PPARGC1A: variants seen among roughly 807,000 people sequenced by gnomAD.
PPARGC1A encodes the protein peroxisome proliferator-activated receptor gamma coactivator 1-alpha.
In PPARGC1A, 25 loss-of-function variants were observed where a neutral mutation model predicts 88.7. That is an observed-to-expected ratio of 0.28 (90% CI 0.21 to 0.39). PPARGC1A has a LOEUF of 0.39. PPARGC1A is among the 10% of genes least tolerant of loss of function. PPARGC1A has a pLI of 1.00. For missense variants in PPARGC1A, 880 were observed against 968.7 expected, an observed-to-expected ratio of 0.91 and a Z score of 1.22; for synonymous variants, 363 against 355.6, an observed-to-expected ratio of 1.02 and a Z score of -0.24.
chr4:24,246,402 G>C, the PPARGC1A span, among the ~76,000 whole-genome samples: 1 of 152,124 alleles, frequency 6.6e-6, no homozygotes, highest in South Asian at 2.1e-4. Flanking sequence ...GTCAGGCGGA[G>C]CACTGGAGCC....
the PPARGC1A span, among the ~76,000 whole-genome samples, chr4:24,207,719 A>G: frequency 6.6e-6 from 1 of 152,220 alleles, no homozygotes; most frequent in Admixed American, 6.5e-5. Flanking sequence ...AAATTTCCTC[A>G]GCCTCAAAAC....
At chr4:24,366,090 G>C in the PPARGC1A span, among the ~76,000 whole-genome samples, 8 of 152,154 alleles carry the variant, frequency 5.3e-5, no homozygotes, top group Non-Finnish European at 1.0e-4. Flanking sequence ...CAGCCTGAAA[G>C]AGTCATCAGT....
chr4:24,010,920 G>C, the PPARGC1A span, among the ~76,000 whole-genome samples: 2 of 152,134 alleles, frequency 1.3e-5, no homozygotes, highest in South Asian at 2.1e-4. Context: ...GAGTCCCCGT[G>C]AGTGATAATT....
chr4:24,470,721 C>T, the PPARGC1A span, among the ~76,000 whole-genome samples: 1 of 151,852 alleles, frequency 6.6e-6, no homozygotes, highest in East Asian at 2.0e-4. This position sits in a 1 kb window ranked among gnomAD's most constrained non-coding sequence, Gnocchi z 5.8. Context: ...CCCCCACCCG[C>T]GGCGGCGGCC....
chr4:24,225,338 G>A, the PPARGC1A span, among the ~76,000 whole-genome samples: 1 of 152,142 alleles, frequency 6.6e-6, no homozygotes, highest in South Asian at 2.1e-4. Context: ...GAGAAGCCAA[G>A]GGGGGCAGAT....
chr4:24,346,794 T>C, the PPARGC1A span, among the ~76,000 whole-genome samples: 4 of 152,156 alleles, frequency 2.6e-5, no homozygotes, highest in Non-Finnish European at 5.9e-5. Flanking sequence ...ATGTTGGTTA[T>C]TTCCTTTCTT....
the PPARGC1A span, among the ~76,000 whole-genome samples, chr4:24,139,591 G>A: frequency 6.6e-6 from 1 of 152,152 alleles, no homozygotes; most frequent in East Asian, 1.9e-4. Flanking sequence ...CATGTAGTGA[G>A]AAATCCGCAG....
chr4:24,230,555 C>G, the PPARGC1A span, among the ~76,000 whole-genome samples: 1 of 152,166 alleles, frequency 6.6e-6, no homozygotes. Context: ...CTGGGAACCA[C>G]CCCATATAGC....
chr4:24,387,869 G>GAGAAAGA, the PPARGC1A span, among the ~76,000 whole-genome samples: 1 of 115,690 alleles, frequency 8.6e-6, no homozygotes, highest in Non-Finnish European at 1.7e-5. Flanking sequence ...AGAGAGAAAG[G>GAGAAAGA]AAGAAAGAGA....
the PPARGC1A span, among the ~76,000 whole-genome samples, chr4:24,249,101 A>C: frequency 1.3e-5 from 2 of 152,182 alleles, no homozygotes; most frequent in Non-Finnish European, 2.9e-5. Flanking sequence ...CCATCTAGAC[A>C]TGAGAAATCC....
intron 2 of PPARGC1A, among the ~76,000 whole-genome samples, chr4:23,849,779 C>T (rs939783747): frequency 4.0e-5 from 6 of 151,508 alleles, no homozygotes; most frequent in South Asian, 2.1e-4. Context: ...CTCATTTATT[C>T]CTTCTTGTAT....
chr4:24,369,221 T>A, the PPARGC1A span, among the ~76,000 whole-genome samples: 12 of 152,318 alleles, frequency 7.9e-5, no homozygotes, highest in East Asian at 2.1e-3. Context: ...AGTGTTTTAA[T>A]TGAACACGTA....
the PPARGC1A span, among the ~76,000 whole-genome samples, chr4:23,991,880 A>G: frequency 1.3e-5 from 2 of 152,146 alleles, no homozygotes; most frequent in Non-Finnish European, 2.9e-5. Context: ...GAAAAGAAAA[A>G]AATAGCAAGA....
chr4:24,036,430 C>T, the PPARGC1A span, among the ~76,000 whole-genome samples: 3 of 152,154 alleles, frequency 2.0e-5, no homozygotes, highest in East Asian at 5.8e-4. Flanking sequence ...TCCACCGAAG[C>T]TCATGTATGA....
chr4:23,889,867 A>C, intron 1 of PPARGC1A, 37 bp downstream of exon 1: 1 of 1,606,648 alleles, frequency 6.2e-7, no homozygotes, highest in Non-Finnish European at 8.5e-7. Flanking sequence ...GGGAAGCGTC[A>C]GTTGTGGCTG....
At chr4:23,987,236 T>C in the PPARGC1A span, among the ~76,000 whole-genome samples, 1 of 152,042 alleles carries the variant, frequency 6.6e-6, no homozygotes, top group Admixed American at 6.6e-5. Context: ...CTGGAAGCCC[T>C]GCATTTCAGA....
chr4:24,351,827 T>G, the PPARGC1A span, among the ~76,000 whole-genome samples: 12 of 152,086 alleles, frequency 7.9e-5, no homozygotes, highest in African/African-American at 2.4e-4. Context: ...GTTTTTTTGT[T>G]TTTTTTTAAT....
At chr4:24,456,825 C>A in the PPARGC1A span, among the ~76,000 whole-genome samples, 1 of 151,968 alleles carries the variant, frequency 6.6e-6, no homozygotes, top group East Asian at 1.9e-4. Context: ...GTTCTGGAAG[C>A]AGAGACATTA....
the PPARGC1A span, among the ~76,000 whole-genome samples, chr4:23,911,039 G>A: frequency 7.9e-5 from 12 of 151,972 alleles, no homozygotes; most frequent in East Asian, 1.2e-3. Context: ...CAGCATAGTT[G>A]AGTAAGACCT....
Sources: allele counts gnomAD v4.1 joint callset (sites outside exome capture counted in the v4.1 genomes callset), GRCh38; gene constraint gnomAD v4.1.1; non-coding constraint Gnocchi (gnomAD v3.1); transcripts MANE v1.5; gene names NCBI Gene and HGNC (gene_info 2026-07-23, HGNC 2026-07-21).